Variants in PARN observed in about 807,000 individuals in gnomAD.
The protein encoded by PARN is poly(A)-specific ribonuclease PARN.
PARN carries 71 observed loss-of-function variants against 102.8 expected under a neutral mutation model. The observed-to-expected ratio is 0.69, with a 90% confidence interval of 0.57 to 0.84. PARN has a LOEUF of 0.84. PARN is among the 40% of genes least tolerant of loss of function. The pLI is 0.00. For missense variants in PARN, 782 were observed against 760.9 expected, an observed-to-expected ratio of 1.03 and a Z score of -0.33; for synonymous variants, 261 against 252.9, an observed-to-expected ratio of 1.03 and a Z score of -0.30.
chr16:14,563,474 CTTTGTGTGTGTGTG>C (rs1426951648), intron 18 of PARN, among the ~76,000 whole-genome samples: 1 of 111,060 alleles, frequency 9.0e-6, no homozygotes, highest in Non-Finnish European at 1.8e-5. Context: ...TTGAAAATTC[CTTTGTGTGTGTGTG>C]TGTGTGTGTG....
At chr16:14,561,197 T>C (rs1346158507) in intron 18 of PARN, among the ~76,000 whole-genome samples, 3 of 151,270 alleles carry the variant, frequency 2.0e-5, no homozygotes, top group African/African-American at 7.3e-5. Flanking sequence ...GATGACACTG[T>C]GTCCCAGGCT....
At chr16:14,619,318 G>C (rs1031904960) in intron 5 of PARN, among the ~76,000 whole-genome samples, 1 of 151,240 alleles carries the variant, frequency 6.6e-6, no homozygotes, top group Admixed American at 6.6e-5. Flanking sequence ...CATTAGACTG[G>C]GCTGGACATG....
rs952434384 is a variant in PARN at position 14,617,112 on chromosome 16, T to C, written c.388+478A>G. On this transcript the variant is annotated intron_variant, in intron 6 of 23. Transcript: ENST00000437198. ...AAAAAAGATCACAGTAGGCCAGGCG[T>C]GGTGGCTCACACTTGTAATCCCAGC... Among the ~76,000 whole-genome samples the C allele has an allele frequency of 1.1e-4, 17 of 150,400 alleles. No homozygotes were observed. The East Asian group carries it at 2.0e-3, about 17-fold the overall frequency.
chr16:14,629,623 A>G lies in PARN; in HGVS notation c.71T>C (p.Phe24Ser). The G allele has an allele frequency of 6.2e-7, 1 of 1,613,648 alleles. No individual in the cohort carries two copies. The highest frequency in any genetic ancestry group is 8.5e-7 in the Non-Finnish European group (1 of 1,179,530). The change falls in exon 2 of 24, where the codon TTC (phenylalanine) becomes TCC (serine). Residue 24 changes from phenylalanine (F) to serine (S), a missense_variant. Transcript: ENST00000437198. The stretch of plus-strand genomic sequence containing the variant: ...TGAAAACTCCCCATCGATGGCGAAG[A>G]AGTCGGCCTCCTCTATGGCCTGGTA... ...KVYQAIEEAD[F>S]FAIDGEFSGI... is the part of the protein sequence containing the mutation.
chr16:14,627,392 A>G, intron 3 of PARN, 56 bp from the exon 4 acceptor site: 1 of 1,271,740 alleles, frequency 7.9e-7, no homozygotes, highest in Non-Finnish European at 1.1e-6. Flanking sequence ...CCATGTGAGC[A>G]TAGCATTCTC....
chr16:14,605,655 T>C (rs1971133080), intron 10 of PARN, among the ~76,000 whole-genome samples: 1 of 152,182 alleles, frequency 6.6e-6, no homozygotes, highest in African/African-American at 2.4e-5. Context: ...ATTTTTCTAC[T>C]TTATTTAATC....
At chr16:14,494,766 T>C (rs1567321244) in intron 21 of PARN, among the ~76,000 whole-genome samples, 1 of 151,868 alleles carries the variant, frequency 6.6e-6, no homozygotes, top group Non-Finnish European at 1.5e-5. Context: ...GGGTAATAAA[T>C]ATGGAGAGAA....
At chr16:14,628,608 A>T (rs1452425874) in intron 2 of PARN, among the ~76,000 whole-genome samples, 1 of 152,256 alleles carries the variant, frequency 6.6e-6, no homozygotes, top group Non-Finnish European at 1.5e-5. Flanking sequence ...TATTATTGCC[A>T]GAGTTCCAGT....
At chr16:14,589,828 C>T (rs1191540192) in intron 13 of PARN, among the ~76,000 whole-genome samples, 21 of 151,958 alleles carry the variant, frequency 1.4e-4, no homozygotes, top group African/African-American at 4.8e-4. Flanking sequence ...GACTGCACCA[C>T]TGCACTCCAG....
chr16:14,499,110 C>G (rs959483911), intron 21 of PARN, among the ~76,000 whole-genome samples: 6 of 152,244 alleles, frequency 3.9e-5, no homozygotes, highest in African/African-American at 1.2e-4. Flanking sequence ...GATTTGGGAT[C>G]TTAGGAGGAC....
chr16:14,576,664 T>C (rs1278488780), intron 18 of PARN, among the ~76,000 whole-genome samples: 5 of 152,202 alleles, frequency 3.3e-5, no homozygotes, highest in Non-Finnish European at 5.9e-5. Flanking sequence ...GGTAAATCAT[T>C]TGCTGAGGAG....
chr16:14,465,193 G>A (rs564841393), intron 22 of PARN, among the ~76,000 whole-genome samples: 21 of 152,092 alleles, frequency 1.4e-4, no homozygotes, highest in Middle Eastern at 3.4e-3. Context: ...TCAGCTTCCC[G>A]AGTAGCTGGG....
intron 21 of PARN, among the ~76,000 whole-genome samples, chr16:14,517,552 C>T (rs764862149): frequency 2.6e-5 from 4 of 152,216 alleles, no homozygotes; most frequent in South Asian, 2.1e-4. Flanking sequence ...AGGTTTAGAA[C>T]GAGGAGGACA....
At chr16:14,443,235 TACTTA>T (rs1409115586) in intron 23 of PARN, among the ~76,000 whole-genome samples, 10 of 152,356 alleles carry the variant, frequency 6.6e-5, no homozygotes, top group African/African-American at 2.4e-4. Flanking sequence ...TTGGGTCTAG[TACTTA>T]ATTCTTAGTG....
At chr16:14,602,803 G>A (rs74816901) in intron 11 of PARN, among the ~76,000 whole-genome samples, 6,169 of 152,138 alleles carry the variant, frequency 0.041, 137 homozygotes, top group African/African-American at 0.05. Flanking sequence ...AGGAGGTGTG[G>A]GGCTCTCTGC....
intron 7 of PARN, among the ~76,000 whole-genome samples, chr16:14,609,387 G>A (rs1183848971): frequency 1.3e-5 from 2 of 152,046 alleles, no homozygotes; most frequent in East Asian, 3.9e-4. Flanking sequence ...GCAATATACT[G>A]AGAGCCCCTC....
chr16:14,570,505 C>T (rs2080723138), intron 18 of PARN, among the ~76,000 whole-genome samples: 1 of 151,210 alleles, frequency 6.6e-6, no homozygotes, highest in African/African-American at 2.4e-5. Context: ...CAAAAATTAG[C>T]CAGACACGGT....
intron 22 of PARN, among the ~76,000 whole-genome samples, chr16:14,481,399 C>T (rs1364495618): frequency 6.6e-6 from 1 of 151,930 alleles, no homozygotes; most frequent in Non-Finnish European, 1.5e-5. Flanking sequence ...TTATAAATTC[C>T]AAGAATAGGT....
intron 18 of PARN, among the ~76,000 whole-genome samples, chr16:14,579,741 G>A (rs1969386425): frequency 1.3e-5 from 2 of 152,174 alleles, no homozygotes; most frequent in South Asian, 2.1e-4. Context: ...TTGGGAGGCT[G>A]AGGTGGGCAG....
Sources: allele counts gnomAD v4.1 joint callset (sites outside exome capture counted in the v4.1 genomes callset), GRCh38; gene constraint gnomAD v4.1.1; transcripts MANE v1.5; gene names NCBI Gene and HGNC (gene_info 2026-07-23, HGNC 2026-07-21).